NRL: variants seen among roughly 807,000 people sequenced by gnomAD.
NRL encodes neural retina-specific leucine zipper protein.
A neutral mutation model predicts 12.5 loss-of-function variants in NRL; 16 were observed. The ratio of observed to expected loss-of-function variants is 1.28; its 90% CI spans 0.87 to 1.95. NRL has a LOEUF of 1.95. Among genes scored for constraint, NRL ranks in the 30% most tolerant of loss-of-function variants. The pLI, the probability that NRL is intolerant of heterozygous loss-of-function variation, is 0.00. For missense variants in NRL, 314 were observed against 325.8 expected (o/e 0.96, Z 0.28); for synonymous variants, 142 against 150.9 (o/e 0.94, Z 0.43).
At chr14:24,099,608 C>A (rs2037069219) in intron 1 of NRL, 1 of 1,613,472 alleles carries the variant, frequency 6.2e-7, no homozygotes, top group Non-Finnish European at 8.5e-7. Flanking sequence ...TGGCAGCCGC[C>A]TTCCCTAGTG....
At chr14:24,099,625 G>C (rs1461038183) in intron 1 of NRL, 1 of 1,613,938 alleles carries the variant, frequency 6.2e-7, no homozygotes, top group Admixed American at 1.7e-5. Flanking sequence ...AGTGCCTGTG[G>C]CAAGACCAAC....
At chr14:24,102,610 C>G in intron 1 of NRL, 2 of 686,324 alleles carry the variant, frequency 2.9e-6, no homozygotes, top group South Asian at 4.1e-5. Flanking sequence ...GCTCCCCTCT[C>G]TCTGCTCCTT....
chr14:24,084,812 G>T, intron 1 of NRL: 3 of 678,892 alleles, frequency 4.4e-6, no homozygotes, highest in Non-Finnish European at 3.6e-6. Context: ...AGGAAAGGGA[G>T]CATCTTCCCC....
intron 1 of NRL, chr14:24,100,602 A>T (rs2037124784): frequency 1.9e-6 from 2 of 1,064,856 alleles, no homozygotes. Flanking sequence ...AAAAGGAAGG[A>T]CTTTTGAACA....
At chr14:24,096,792 T>G in intron 1 of NRL, 3 of 996,628 alleles carry the variant, frequency 3.0e-6, no homozygotes, top group Non-Finnish European at 4.6e-6. Flanking sequence ...CATGCAGACA[T>G]GTTTTAGCAG....
At chr14:24,092,946 G>A (rs974588969) in intron 1 of NRL, among the ~76,000 whole-genome samples, 1 of 152,220 alleles carries the variant, frequency 6.6e-6, no homozygotes, top group Non-Finnish European at 1.5e-5. Flanking sequence ...GCAGCTCCAG[G>A]CTTATATTCT....
rs906581448 is a variant in NRL, at chr14:24,080,990, C to T, written c.*246G>A. The T allele has an allele frequency of 2.6e-6, 1 of 378,856 alleles. No homozygotes were observed. The highest frequency in any genetic ancestry group is 4.6e-5 in the Admixed American group (1 of 21,606). 23.5% of individuals were successfully genotyped at this position (378,856 alleles called of 1,614,324 possible). ...TGGCACTGGTCCCTGCAGAGCTCAG[C>T]GTGCTAGTCATGTGGGCTGGGTTTC... On this transcript the variant is annotated 3_prime_UTR_variant, in exon 3 of 3. Coordinates refer to ENST00000561028, the MANE Select transcript of NRL (RefSeq NM_001354768.3).
At chr14:24,084,189 G>C (rs569289052) in intron 1 of NRL, among the ~76,000 whole-genome samples, 7 of 152,212 alleles carry the variant, frequency 4.6e-5, no homozygotes, top group Admixed American at 4.6e-4. Context: ...TCCAGGGCAG[G>C]GTTGCTGCCC....
chr14:24,081,091 A>C lies in NRL; in HGVS notation c.*145T>G. 2.0e-6 allele frequency: 1 copy of C among 490,874 alleles called. No individual in the cohort carries two copies. The highest frequency in any genetic ancestry group is 3.3e-6 in the Non-Finnish European group (1 of 306,906). 30.4% of individuals were successfully genotyped at this position (490,874 alleles called of 1,614,324 possible). On this transcript the variant is annotated 3_prime_UTR_variant, in exon 3 of 3. Coordinates refer to ENST00000561028, the MANE Select transcript of NRL (RefSeq NM_001354768.3). The surrounding 1 kb of genome is among the most constrained non-coding windows in gnomAD (Gnocchi z 4.4). Reference sequence around the variant, plus strand: ...ATTCGGGCATGACTTGAGGACCCAAAAGCTTTGGGGATATTTGCGCGGTCA... The same window carrying C: ...ATTCGGGCATGACTTGAGGACCCAACAGCTTTGGGGATATTTGCGCGGTCA...
chr14:24,086,536 T>A (rs2036470251), intron 1 of NRL, among the ~76,000 whole-genome samples: 1 of 152,174 alleles, frequency 6.6e-6, no homozygotes, highest in African/African-American at 2.4e-5. Flanking sequence ...GGAATGAGGA[T>A]CATGGAGAGG....
Position 24,094,413 on chromosome 14 carries a change from C to A in NRL, c.-27-11538G>T, listed in dbSNP as rs1217138597. The A allele has an allele frequency of 1.9e-6, 3 of 1,561,092 alleles. No homozygotes were observed. Among genetic ancestry groups the A allele is most frequent in the Middle Eastern group, 1.7e-4 (1 of 5,740 alleles). On this transcript the variant is annotated intron_variant, in intron 1 of 2. Coordinates refer to ENST00000561028, the MANE Select transcript of NRL (RefSeq NM_001354768.3). This position sits in a 1 kb window ranked among gnomAD's most constrained non-coding sequence, Gnocchi z 4.1. ...AGCCCCTGCCCAGGTGCCATGGCCG[C>A]ATTGTACCGCCCTGGCCTGCGGTGA...
Position 24,085,563 on chromosome 14 carries a change from G to C in NRL, c.-27-2688C>G, listed in dbSNP as rs2036446164. On this transcript the variant is annotated intron_variant, in intron 1 of 2. Coordinates refer to ENST00000561028, the MANE Select transcript of NRL (RefSeq NM_001354768.3). The surrounding 1 kb of genome is among the most constrained non-coding windows in gnomAD (Gnocchi z 4.1). Reference sequence around the variant, plus strand: ...AAGGAGATGTTTAAACCTGTCCGAAGCTGTTTAAATAGGGTCTATGGAGTT... The same window carrying C: ...AAGGAGATGTTTAAACCTGTCCGAACCTGTTTAAATAGGGTCTATGGAGTT... Among the ~76,000 whole-genome samples, 1 of 152,204 alleles carries C rather than the reference G, an allele frequency of 6.6e-6. No homozygotes were observed. The highest frequency in any genetic ancestry group is 2.4e-5 in the African/African-American group (1 of 41,424).
chr14:24,099,520 G>T, intron 1 of NRL: 1 of 1,542,328 alleles, frequency 6.5e-7, no homozygotes. Flanking sequence ...CTGACTTTTG[G>T]TGACCTCTTT....
intron 1 of NRL, among the ~76,000 whole-genome samples, chr14:24,087,929 T>C (rs1327285701): frequency 6.6e-6 from 1 of 151,768 alleles, no homozygotes; most frequent in Non-Finnish European, 1.5e-5. Flanking sequence ...ATACAAAAAC[T>C]GAGGTGGGAG....
intron 1 of NRL, among the ~76,000 whole-genome samples, chr14:24,110,756 G>C (rs1398938799): frequency 2.0e-5 from 3 of 152,174 alleles, no homozygotes; most frequent in Non-Finnish European, 4.4e-5. Context: ...GTCCGGCCTA[G>C]ATTTCTGGAA....
At chr14:24,111,822 C>T (rs2037425210) in intron 1 of NRL, among the ~76,000 whole-genome samples, 3 of 135,198 alleles carry the variant, frequency 2.2e-5, no homozygotes, top group Admixed American at 7.8e-5. Context: ...ATTGAATACC[C>T]TTTATTTCCT....
intron 1 of NRL, among the ~76,000 whole-genome samples, chr14:24,106,016 A>G (rs2037333857): frequency 1.3e-5 from 2 of 152,266 alleles, no homozygotes. Flanking sequence ...GCAAGTCTGT[A>G]GTAGCCTCAA....
chr14:24,094,567 G>A lies in NRL; in HGVS notation c.-27-11692C>T. The A allele has an allele frequency of 1.4e-6, 2 of 1,445,382 alleles. No homozygotes were observed. The highest frequency in any genetic ancestry group is 1.8e-6 in the Non-Finnish European group (2 of 1,103,240). 89.5% of individuals were successfully genotyped at this position (1,445,382 alleles called of 1,614,324 possible). Reference sequence around the variant, plus strand: ...TAGGCGGAGGCGGGCAGGGGCGACTGCTGTGGGTCCAGCCTCCCGCGCCGC... The same window carrying A: ...TAGGCGGAGGCGGGCAGGGGCGACTACTGTGGGTCCAGCCTCCCGCGCCGC... On this transcript the variant is annotated intron_variant, in intron 1 of 2. Transcript: ENST00000561028. The surrounding 1 kb of genome is among the most constrained non-coding windows in gnomAD (Gnocchi z 4.1).
chr14:24,091,666 C>A (rs1180293981), intron 1 of NRL, among the ~76,000 whole-genome samples: 1 of 151,752 alleles, frequency 6.6e-6, no homozygotes, highest in Non-Finnish European at 1.5e-5. Flanking sequence ...ATTCAGATTC[C>A]ATTTCTCCTG....
Sources: allele counts gnomAD v4.1 joint callset (sites outside exome capture counted in the v4.1 genomes callset), GRCh38; gene constraint gnomAD v4.1.1; non-coding constraint Gnocchi (gnomAD v3.1); transcripts MANE v1.5; gene names NCBI Gene and HGNC (gene_info 2026-07-23, HGNC 2026-07-21).